The following DNAH3 variants were observed in gnomAD, a reference collection of about 807,000 sequenced individuals.
The protein encoded by DNAH3 is dynein axonemal heavy chain 3.
A neutral mutation model predicts 432.5 loss-of-function variants in DNAH3; 332 were observed. That is an observed-to-expected ratio of 0.77 (90% CI 0.70 to 0.84). DNAH3 has a LOEUF of 0.84. Among genes scored for constraint, DNAH3 ranks in the 40% least tolerant of loss-of-function variants. The probability of loss-of-function intolerance (pLI) is 0.00; values close to 1 mark genes in which losing one functional copy is unlikely to be tolerated. For synonymous variants in DNAH3, 1,956 were observed against 1,900.2 expected (o/e 1.03, Z -0.76); for missense variants, 4,861 against 5,114.0 (o/e 0.95, Z 1.51).
chr16:21,015,878 TC>T (rs1346744808), intron 41 of DNAH3, among the ~76,000 whole-genome samples: 1 of 152,140 alleles, frequency 6.6e-6, no homozygotes, highest in Non-Finnish European at 1.5e-5. Context: ...AACCTCTGCC[TC>T]CCAGGTTCAA....
intron 48 of DNAH3, among the ~76,000 whole-genome samples, chr16:20,983,626 G>T (rs1443676670): frequency 6.6e-6 from 1 of 151,810 alleles, no homozygotes; most frequent in East Asian, 1.9e-4. Context: ...AACAAATTTT[G>T]GGTTCCACAC....
At chr16:21,037,889 A>G (rs1271808227) in exon 34 of DNAH3, 5 of 1,614,174 alleles carry the variant, frequency 3.1e-6, no homozygotes, top group Admixed American at 1.7e-5. Context: ...GTAAGCACAG[A>G]CTTGACAGCG....
chr16:20,963,551 C>A lies in DNAH3; in HGVS notation c.10333G>T (p.Glu3445Ter). ...GCCGAGTCATAGATCAGCTTCCATT[C>A]ACCCAGGTTCTGTTCCAAATGCTCC... The change falls in exon 53 of 62, where the codon GAA becomes TAA. Residue 3445 changes from glutamate (E) to a stop codon, truncating the protein, a stop_gained. Transcript: ENST00000261383. LOFTEE classifies it high-confidence loss of function. 1 of 1,614,112 alleles carries A rather than the reference C, an allele frequency of 6.2e-7. No individual in the cohort carries two copies. Among genetic ancestry groups the A allele is most frequent in the Non-Finnish European group, 8.5e-7 (1 of 1,180,022 alleles).
intron 59 of DNAH3, among the ~76,000 whole-genome samples, chr16:20,938,015 T>C (rs2083659029): frequency 2.6e-5 from 4 of 152,124 alleles, no homozygotes; most frequent in Admixed American, 2.6e-4. Context: ...TCCAAAGCTT[T>C]ATGGAATCTC....
intron 50 of DNAH3, among the ~76,000 whole-genome samples, chr16:20,976,347 C>A (rs1337543263): frequency 6.6e-6 from 1 of 152,010 alleles, no homozygotes; most frequent in African/African-American, 2.4e-5. Flanking sequence ...CATGTGCCAC[C>A]ACACCCAGCT....
chr16:21,120,471 C>T (rs957080485), intron 11 of DNAH3, among the ~76,000 whole-genome samples: 6 of 152,128 alleles, frequency 3.9e-5, no homozygotes, highest in African/African-American at 1.4e-4. Flanking sequence ...GTAACACCCA[C>T]CAGTTGCCAT....
intron 1 of DNAH3, among the ~76,000 whole-genome samples, chr16:21,148,750 A>G (rs1266302113): frequency 6.6e-6 from 1 of 152,214 alleles, no homozygotes; most frequent in Admixed American, 6.5e-5. Flanking sequence ...CTGATAGCAG[A>G]AAGCATCCCA....
At chr16:21,120,868 T>C (rs779600484) in intron 10 of DNAH3, 7 of 1,587,472 alleles carry the variant, frequency 4.4e-6, no homozygotes, top group Non-Finnish European at 6.1e-6. Context: ...TCCCCATACA[T>C]AGTCATCCAA....
intron 18 of DNAH3, among the ~76,000 whole-genome samples, chr16:21,091,185 A>G (rs1240090758): frequency 6.6e-6 from 1 of 152,138 alleles, no homozygotes; most frequent in Non-Finnish European, 1.5e-5. Context: ...TTGTATATTT[A>G]AAAGTTCTTA....
At chr16:21,116,986 C>T (rs1463307644) in intron 12 of DNAH3, among the ~76,000 whole-genome samples, 1 of 152,154 alleles carries the variant, frequency 6.6e-6, no homozygotes, top group Non-Finnish European at 1.5e-5. Context: ...AATTTGAATC[C>T]TGGCTCTACT....
intron 44 of DNAH3, among the ~76,000 whole-genome samples, chr16:20,995,613 T>C (rs566738256): frequency 4.6e-5 from 7 of 152,260 alleles, no homozygotes; most frequent in African/African-American, 1.7e-4. Flanking sequence ...TTTCTGAAAA[T>C]TTCCGCCTTT....
rs150871937 is a variant in DNAH3, at chr16:20,970,453, G to A, written c.8260-463C>T. On this transcript the variant is annotated intron_variant, in intron 51 of 61. Coordinates refer to ENST00000261383, the Ensembl canonical transcript of DNAH3. ...GTAGAAGAATTGCCTGAACTGGGGA[G>A]GCGGAGGTTGCAGTGAGCTGAGATT... 2.7e-3 allele frequency among the ~76,000 whole-genome samples: 410 copies of A among 152,330 alleles called. 5 individuals carry two copies. Among genetic ancestry groups the A allele is most frequent in the African/African-American group, 9.5e-3 (394 of 41,576 alleles).
rs1567834872 is a variant in DNAH3, at chr16:21,125,373, GT to G, written c.1209-4del. 13 of 1,590,984 alleles carry G rather than the reference GT, an allele frequency of 8.2e-6. No homozygotes were observed. The highest frequency in any genetic ancestry group is 1.1e-5 in the Non-Finnish European group (13 of 1,166,936). On this transcript the variant is annotated splice_polypyrimidine_tract_variant and splice_region_variant and intron_variant, in intron 8 of 61. Transcript: ENST00000261383. Reference sequence around the variant, plus strand: ...GCTGGGCGCAGGTGGGGATCCACCTGTAAAGACAGAAGGGTGTCCATGTGAG... The same window carrying G: ...GCTGGGCGCAGGTGGGGATCCACCTGAAAGACAGAAGGGTGTCCATGTGAG...
intron 23 of DNAH3, among the ~76,000 whole-genome samples, chr16:21,067,776 G>GGAGAGAGAGA (rs60889532): frequency 0.13 from 5,377 of 40,930 alleles, 779 homozygotes; most frequent in East Asian, 0.29. Flanking sequence ...GGGTGGGGAG[G>GGAGAGAGAGA]GAGAGAGAGA....
At chr16:21,050,908 T>G (rs2089927011) in intron 29 of DNAH3, among the ~76,000 whole-genome samples, 1 of 152,234 alleles carries the variant, frequency 6.6e-6, no homozygotes, top group South Asian at 2.1e-4. Flanking sequence ...TGTTTTCATT[T>G]AGCACTCTAT....
At chr16:20,949,263 CAA>C (rs34267850) in intron 56 of DNAH3, among the ~76,000 whole-genome samples, 10 of 66,010 alleles carry the variant, frequency 1.5e-4, no homozygotes, top group African/African-American at 1.9e-4. Flanking sequence ...GAGACTGTCT[CAA>C]AAAAAAAAAA....
chr16:20,951,738 ATTTT>A (rs869256566), intron 56 of DNAH3, among the ~76,000 whole-genome samples: 1 of 73,460 alleles, frequency 1.4e-5, no homozygotes, highest in Admixed American at 1.6e-4. Flanking sequence ...CCTGGCCCGT[ATTTT>A]TTTTTTTTTT....
chr16:21,098,524 T>C, intron 17 of DNAH3, 92 bp downstream of exon 17: 1 of 1,318,178 alleles, frequency 7.6e-7, no homozygotes, highest in South Asian at 1.5e-5. Flanking sequence ...ATCCACCTAG[T>C]AGATGCTATT....
At chr16:21,037,794 G>A (rs1452977921) in exon 34 of DNAH3, 35 of 1,613,996 alleles carry the variant, frequency 2.2e-5, no homozygotes, top group Middle Eastern at 1.6e-4. Flanking sequence ...CTAAGAACTT[G>A]GCCAGATTGA....
Sources: allele counts gnomAD v4.1 joint callset (sites outside exome capture counted in the v4.1 genomes callset), GRCh38; gene constraint gnomAD v4.1.1; transcripts MANE v1.5; gene names NCBI Gene and HGNC (gene_info 2026-07-23, HGNC 2026-07-21).